The following APOL6 variants were observed in gnomAD, a reference collection of about 807,000 sequenced individuals.
APOL6 encodes apolipoprotein L, 6.
APOL6 carries 1 observed loss-of-function variant against 2.4 expected under a neutral mutation model. That is an observed-to-expected ratio of 0.41 (90% CI 0.15 to 1.94). The LOEUF (loss-of-function observed/expected upper bound fraction) is 1.94. Ranked by LOEUF, APOL6 falls within the 30% of genes most tolerant of loss-of-function variation. The pLI, the probability that APOL6 is intolerant of heterozygous loss-of-function variation, is 0.30. For missense variants in APOL6, 438 were observed against 429.2 expected (o/e 1.02, Z -0.18); for synonymous variants, 189 against 169.3 (o/e 1.12, Z -0.90).
Position 35,662,283 on chromosome 22 carries a change from G to A in APOL6, c.*2687G>A, listed in dbSNP as rs1475903586. The A allele has an allele frequency of 1.3e-5, 2 of 151,988 alleles. No individual in the cohort carries two copies. Among genetic ancestry groups the A allele is most frequent in the Admixed American group, 1.3e-4 (2 of 15,244 alleles). The allele number at this position is 151,988 out of a possible 1,614,324, so 9.4% of individuals were successfully genotyped here. ...GCATGCCAAAGCACCCTATTTTAGG[G>A]TATCTTTTTCTGAGCCCTAAACACT... On this transcript the variant is annotated 3_prime_UTR_variant, in exon 3 of 3. Transcript: ENST00000409652.
rs1315040015 is a variant in APOL6 at position 35,663,096 on chromosome 22, G to C, written c.*3500G>C. On this transcript the variant is annotated 3_prime_UTR_variant, in exon 3 of 3. Coordinates refer to ENST00000409652, the MANE Select transcript of APOL6 (RefSeq NM_030641.4). ...TGTATAATTTGTGTGACCATTGTTA[G>C]TTTTGCTTAACTGTTTTGTTGTTTG... 6.6e-6 allele frequency: 1 copy of C among 152,170 alleles called. No homozygotes were observed. The highest frequency in any genetic ancestry group is 1.9e-4 in the East Asian group (1 of 5,198). The allele number at this position is 152,170 out of a possible 1,614,324, so 9.4% of individuals were successfully genotyped here.
chr22:35,656,498 C>T (rs760504680), intron 2 of APOL6, 23 bp downstream of exon 2: 2 of 1,613,704 alleles, frequency 1.2e-6, no homozygotes, highest in East Asian at 2.2e-5. Context: ...GTGTAGTCCC[C>T]AGGGAGAGGG....
In APOL6 at chr22:35,659,542, G is replaced by A; in HGVS notation, c.978G>A (p.Met326Ile). 6.2e-7 allele frequency: 1 copy of A among 1,613,980 alleles called. No individual in the cohort carries two copies. The change falls in exon 3 of 3, where the codon ATG becomes ATA. Residue 326 changes from methionine (M) to isoleucine (I), a missense_variant. Transcript: ENST00000409652. ...AGGAGTTAAGGGAGCATGTGTGGAT[G>A]TGGCTGTGGCTGTGTGTGTGTCTGT... ...YWKELREHVW[M>I]WLWLCVCLCV...
chr22:35,651,493 C>T (rs931145657), intron 1 of APOL6, among the ~76,000 whole-genome samples: 5 of 152,094 alleles, frequency 3.3e-5, no homozygotes, highest in Non-Finnish European at 7.4e-5. Context: ...GTGTGCTGCA[C>T]CCATTAACTC....
rs1394233170 is a variant in APOL6 at position 35,667,409 on chromosome 22, T to A, written c.*7813T>A. On this transcript the variant is annotated 3_prime_UTR_variant, in exon 3 of 3. Coordinates refer to ENST00000409652, the MANE Select transcript of APOL6 (RefSeq NM_030641.4). ...AGAGATGCCATCACTGGGCAAGTGTTCTGAAAACATCTTATCTGAATAACA... is the reference window on the plus strand; with the variant it reads ...AGAGATGCCATCACTGGGCAAGTGTACTGAAAACATCTTATCTGAATAACA... The A allele has an allele frequency of 6.6e-6, 1 of 152,186 alleles. No individual in the cohort carries two copies. Among genetic ancestry groups the A allele is most frequent in the African/African-American group, 2.4e-5 (1 of 41,432 alleles). The allele number at this position is 152,186 out of a possible 1,614,324, so 9.4% of individuals were successfully genotyped here.
At position 35,658,814 on chromosome 22, in the gene APOL6, A is replaced by T. The variant is rs775239699; in HGVS notation, c.250A>T (p.Thr84Ser). The T allele has an allele frequency of 5.6e-6, 9 of 1,614,010 alleles. No homozygotes were observed. Among genetic ancestry groups the T allele is most frequent in the Non-Finnish European group, 6.8e-6 (8 of 1,180,014 alleles). ...FTKANMVATS[T>S]AVISGVMSLL... ...CAAGGCTAACATGGTGGCCACCTCT[A>T]CTGCTGTCATCTCTGGAGTGATGAG... The change falls in exon 3 of 3, where the codon ACT (threonine) becomes TCT (serine). Residue 84 changes from threonine (T) to serine (S), a missense_variant. Transcript: ENST00000409652.
chr22:35,656,541 C>T (rs139103148), intron 2 of APOL6, 66 bp downstream of exon 2: 13 of 1,571,252 alleles, frequency 8.3e-6, no homozygotes, highest in Non-Finnish European at 9.6e-6. Context: ...GGCATCCTCA[C>T]GATAAGGAAT....
intron 2 of APOL6, among the ~76,000 whole-genome samples, 174 bp from the exon 3 acceptor site, chr22:35,658,441 C>G (rs1008914145): frequency 6.6e-6 from 1 of 152,138 alleles, no homozygotes; most frequent in Non-Finnish European, 1.5e-5. Context: ...TTCCATGGAA[C>G]CAGTAGTTTT....
At position 35,662,437 on chromosome 22, in the gene APOL6, A is replaced by T. The variant is rs1925054272; in HGVS notation, c.*2841A>T. 6.6e-6 allele frequency: 1 copy of T among 152,190 alleles called. No individual in the cohort carries two copies. The highest frequency in any genetic ancestry group is 1.5e-5 in the Non-Finnish European group (1 of 68,032). 9.4% of individuals were successfully genotyped at this position (152,190 alleles called of 1,614,324 possible). On this transcript the variant is annotated 3_prime_UTR_variant, in exon 3 of 3. Coordinates refer to ENST00000409652, the MANE Select transcript of APOL6 (RefSeq NM_030641.4). ...TCTATTCAAAGTTATCTCTCTGCTC[A>T]CTGAGATAGATACATATCTGATTGC...
chr22:35,654,842 G>A (rs936361499), intron 1 of APOL6, among the ~76,000 whole-genome samples: 3 of 152,118 alleles, frequency 2.0e-5, no homozygotes, highest in Non-Finnish European at 4.4e-5. Context: ...AGCAGATGCA[G>A]GAAGGTTCTC....
rs1169576831 is a variant in APOL6 at position 35,667,573 on chromosome 22, G to T, written c.*7977G>T. ...CTAGGATGAAAAGTGATTTCATCCT[G>T]GTATCTGCAATTTTCACATTCATTA... is the stretch of plus-strand genomic sequence containing the variant. On this transcript the variant is annotated 3_prime_UTR_variant, in exon 3 of 3. Transcript: ENST00000409652. The T allele has an allele frequency of 6.6e-6, 1 of 152,152 alleles. No individual in the cohort carries two copies. The highest frequency in any genetic ancestry group is 1.5e-5 in the Non-Finnish European group (1 of 68,028). 9.4% of individuals were successfully genotyped at this position (152,152 alleles called of 1,614,324 possible).
In APOL6 at chr22:35,661,842, T is replaced by C. The variant is rs1042606910; in HGVS notation, c.*2246T>C. 1 of 152,176 alleles carries C rather than the reference T, an allele frequency of 6.6e-6. No individual in the cohort carries two copies. Among genetic ancestry groups the C allele is most frequent in the Non-Finnish European group, 1.5e-5 (1 of 68,034 alleles). 9.4% of individuals were successfully genotyped at this position (152,176 alleles called of 1,614,324 possible). On this transcript the variant is annotated 3_prime_UTR_variant, in exon 3 of 3. Transcript: ENST00000409652. ...ACACTTAGGGTACACAAAATGCATA[T>C]TAAAACATTTTCTTCCTTCAGTATA...
chr22:35,661,304 G>C lies in APOL6; in HGVS notation c.*1708G>C, dbSNP rs1180131620. 1 of 138,238 alleles carries C rather than the reference G, an allele frequency of 7.2e-6. No individual in the cohort carries two copies. The highest frequency in any genetic ancestry group is 2.8e-5 in the African/African-American group (1 of 35,462). 8.6% of individuals were successfully genotyped at this position (138,238 alleles called of 1,614,324 possible). ...ACCCAGGCTGTAAAGGTTGCAGTGA[G>C]CCAAGATCATGCCACTGCACTCCAG... On this transcript the variant is annotated 3_prime_UTR_variant, in exon 3 of 3. Coordinates refer to ENST00000409652, the MANE Select transcript of APOL6 (RefSeq NM_030641.4).
chr22:35,651,559 C>T (rs907199073), intron 1 of APOL6, among the ~76,000 whole-genome samples: 8 of 152,126 alleles, frequency 5.3e-5, no homozygotes, highest in African/African-American at 1.9e-4. Flanking sequence ...CCCCCCACCC[C>T]ACAACAGGCC....
At chr22:35,652,485 G>A (rs1924723938) in intron 1 of APOL6, among the ~76,000 whole-genome samples, 1 of 152,182 alleles carries the variant, frequency 6.6e-6, no homozygotes, top group East Asian at 1.9e-4. Flanking sequence ...CCTATGTCCT[G>A]AATGATATTG....
intron 2 of APOL6, among the ~76,000 whole-genome samples, chr22:35,657,175 G>T (rs1924867222): frequency 6.6e-6 from 1 of 152,132 alleles, no homozygotes; most frequent in Non-Finnish European, 1.5e-5. Context: ...ATATCTATTT[G>T]CTGTTTCTTT....
In APOL6 at chr22:35,659,471, G is replaced by T. The variant is rs564571719; in HGVS notation, c.907G>T (p.Val303Leu). The change falls in exon 3 of 3, where the codon GTG becomes TTG. Residue 303 changes from valine to leucine, a missense_variant. Physicochemically the swap from Val to Leu is conservative, Grantham distance 32. Transcript: ENST00000409652. ...GAAAGTGAGGTCAAGGGCCAGAGGG[G>T]TGGGGAAGGATTTAACTGGGACCTG... ...QQKVRSRARGVGKDLTGTCET... is the reference protein window; with the variant it reads ...QQKVRSRARGLGKDLTGTCET... 1.9e-6 allele frequency: 3 copies of T among 1,614,064 alleles called. No individual in the cohort carries two copies. The highest frequency in any genetic ancestry group is 3.3e-5 in the Admixed American group (2 of 60,002).
rs978912577 is a variant in APOL6 at position 35,665,634 on chromosome 22, T to C, written c.*6038T>C. On this transcript the variant is annotated 3_prime_UTR_variant, in exon 3 of 3. Coordinates refer to ENST00000409652, the MANE Select transcript of APOL6 (RefSeq NM_030641.4). The stretch of plus-strand genomic sequence containing the variant: ...GGTTATAAAAGGCTTATGGAAGTTA[T>C]ATTTTATAATCAAGATTAAATCTTA... 1.3e-5 allele frequency: 2 copies of C among 152,254 alleles called. No individual in the cohort carries two copies. The highest frequency in any genetic ancestry group is 4.8e-5 in the African/African-American group (2 of 41,472). The allele number at this position is 152,254 out of a possible 1,614,324, so 9.4% of individuals were successfully genotyped here.
intron 2 of APOL6, 36 bp from the exon 3 acceptor site, chr22:35,658,578 GA>G: frequency 6.5e-7 from 1 of 1,538,828 alleles, no homozygotes; most frequent in Non-Finnish European, 8.8e-7. Context: ...TCCCATCTGG[GA>G]AGCTGAAGCA....
Sources: gnomAD v4.1 joint callset for allele counts (sites outside exome capture counted in the v4.1 genomes callset) on GRCh38, gnomAD v4.1.1 for gene constraint, MANE v1.5 for transcripts, NCBI Gene and HGNC (gene_info 2026-07-23, HGNC 2026-07-21) for gene names.